Variants in CHMP3 observed in about 807,000 individuals in gnomAD.
CHMP3 encodes the protein 25.1 protein.
Under a neutral mutation model 27.4 loss-of-function variants are expected in CHMP3, and 8 were observed. The observed-to-expected ratio is 0.29, with a 90% CI of 0.17 to 0.53. The LOEUF (loss-of-function observed/expected upper bound fraction) is 0.53, where lower values mean the gene tolerates loss of function less well. Among genes scored for constraint, CHMP3 ranks in the 20% least tolerant of loss-of-function variants. The probability of loss-of-function intolerance (pLI) is 0.96; values close to 1 mark genes in which losing one functional copy is unlikely to be tolerated. For synonymous variants in CHMP3, 86 were observed against 85.5 expected (o/e 1.01, Z -0.03); for missense variants, 208 against 271.5 (o/e 0.77, Z 1.64).
intron 3 of CHMP3, among the ~76,000 whole-genome samples, chr2:86,515,962 C>T (rs1281005453): frequency 1.3e-5 from 2 of 151,844 alleles, no homozygotes; most frequent in African/African-American, 4.8e-5. Context: ...TCCAGGCCAA[C>T]ATGGTGAAAC....
chr2:86,540,757 G>A (rs1676328935), intron 2 of CHMP3: 1 of 150,634 alleles, frequency 6.6e-6, no homozygotes, highest in South Asian at 2.1e-4. Context: ...TTATGTTTAA[G>A]TTATCCTTTA....
chr2:86,528,890 T>G lies in CHMP3; in HGVS notation c.286+328A>C, dbSNP rs776222288. On this transcript the variant is annotated intron_variant, in intron 3 of 5. Transcript: ENST00000263856. ...GGCTGCTCTGGACCTAGGACAAAGG[T>G]AGAAAGCTCTTTTCTTCATCCTCCC... 7.9e-5 allele frequency among the ~76,000 whole-genome samples: 12 copies of G among 152,220 alleles called. No individual in the cohort carries two copies. In the South Asian group the frequency reaches 1.0e-3, roughly 13 times the overall value.
Position 86,507,449 on chromosome 2 carries a change from G to A in CHMP3, c.523+30C>T, listed in dbSNP as rs766412038. 7.5e-6 allele frequency: 12 copies of A among 1,592,884 alleles called. No individual in the cohort carries two copies. The South Asian group carries it at 1.2e-4, about 16-fold the overall frequency. On this transcript the variant is annotated intron_variant, in intron 5 of 5. Coordinates refer to ENST00000263856, the MANE Select transcript of CHMP3 (RefSeq NM_016079.4). ...TGAAGGAAGAATGGCCATAAAAAGA[G>A]AGGAGAAAGGATGGATCTCACGGTC...
At chr2:86,545,570 T>C (rs1225151265) in intron 1 of CHMP3, among the ~76,000 whole-genome samples, 1 of 87,008 alleles carries the variant, frequency 1.1e-5, no homozygotes, top group African/African-American at 4.6e-5. Flanking sequence ...CGCTCCTCAC[T>C]TCCCAGACGG....
At chr2:86,527,522 A>C (rs1675762190) in intron 3 of CHMP3, among the ~76,000 whole-genome samples, 1 of 152,232 alleles carries the variant, frequency 6.6e-6, no homozygotes, top group Non-Finnish European at 1.5e-5. Flanking sequence ...AAAGACAATA[A>C]TACTTGAGCT....
chr2:86,557,486 C>T (rs746193567), intron 1 of CHMP3, among the ~76,000 whole-genome samples: 1 of 152,158 alleles, frequency 6.6e-6, no homozygotes, highest in African/African-American at 2.4e-5. Flanking sequence ...CTTTAGTAGG[C>T]ATGACACACA....
At chr2:86,517,529 G>A (rs1002597332) in intron 3 of CHMP3, among the ~76,000 whole-genome samples, 4 of 136,088 alleles carry the variant, frequency 2.9e-5, no homozygotes, top group African/African-American at 8.4e-5. Flanking sequence ...TCGTGCCACC[G>A]CACTCCAGCC....
At chr2:86,544,019 G>T (rs1676461462) in intron 1 of CHMP3, among the ~76,000 whole-genome samples, 2 of 152,048 alleles carry the variant, frequency 1.3e-5, no homozygotes, top group African/African-American at 4.8e-5. Flanking sequence ...TGTCTCTATG[G>T]GATTGCTTAT....
chr2:86,508,038 A>G (rs1674954178), intron 4 of CHMP3, among the ~76,000 whole-genome samples: 2 of 152,222 alleles, frequency 1.3e-5, no homozygotes, highest in Non-Finnish European at 2.9e-5. Context: ...AAATGCCAAC[A>G]GCAGGGTAAA....
chr2:86,548,177 CTCTT>C (rs1225363514), intron 1 of CHMP3, among the ~76,000 whole-genome samples: 8 of 115,080 alleles, frequency 7.0e-5, no homozygotes, highest in South Asian at 2.5e-4. Flanking sequence ...AGGAGGAGTT[CTCTT>C]TTTTTTTTTT....
chr2:86,507,160 G>A (rs577726510), intron 5 of CHMP3: 22 of 202,586 alleles, frequency 1.1e-4, no homozygotes, highest in Non-Finnish European at 1.7e-4. Context: ...CATCGCACTT[G>A]GCGAAGGCAA....
At chr2:86,506,967 CA>C (rs1483472767) in intron 5 of CHMP3, 1 of 152,180 alleles carries the variant, frequency 6.6e-6, no homozygotes, top group African/African-American at 2.4e-5. Flanking sequence ...TTAAATATTT[CA>C]GCACATTCTT....
At chr2:86,541,778 T>G (rs1676371444) in intron 2 of CHMP3, among the ~76,000 whole-genome samples, 1 of 152,206 alleles carries the variant, frequency 6.6e-6, no homozygotes, top group African/African-American at 2.4e-5. Context: ...AAAGTGATAC[T>G]GGGATACCTT....
chr2:86,542,624 G>A (rs1352553543), intron 1 of CHMP3, among the ~76,000 whole-genome samples: 5 of 152,168 alleles, frequency 3.3e-5, no homozygotes, highest in African/African-American at 1.2e-4. Context: ...CAAGTGCACA[G>A]TTAGCTTTAA....
chr2:86,532,026 G>A (rs1472640968), intron 2 of CHMP3, among the ~76,000 whole-genome samples: 1 of 152,146 alleles, frequency 6.6e-6, no homozygotes, highest in African/African-American at 2.4e-5. Context: ...CACTTTGAAT[G>A]TATAAGATTG....
rs935384749 is a variant in CHMP3, at chr2:86,548,183, T to C, written c.46-5871A>G. Among the ~76,000 whole-genome samples the C allele has an allele frequency of 1.2e-3, 184 of 150,016 alleles. 1 individual carries two copies. The highest frequency in any genetic ancestry group is 1.9e-3 in the Non-Finnish European group (129 of 67,318). ...TCAGGTTAGAGGAGGAGTTCTCTTT[T>C]TTTTTTTTTTTTTTTTTAGTATTTA... is the stretch of plus-strand genomic sequence containing the variant. On this transcript the variant is annotated intron_variant, in intron 1 of 5. Coordinates refer to ENST00000263856, the MANE Select transcript of CHMP3 (RefSeq NM_016079.4).
In CHMP3 at chr2:86,505,505, G is replaced by C; in HGVS notation, c.*299C>G. Reference sequence around the variant, plus strand: ...ATATAGTGTTTTATAGACAAAAGTAGAGTCTTCGACATTCAGGCAATCACC... The same window carrying C: ...ATATAGTGTTTTATAGACAAAAGTACAGTCTTCGACATTCAGGCAATCACC... On this transcript the variant is annotated 3_prime_UTR_variant, in exon 6 of 6. Transcript: ENST00000263856. The C allele has an allele frequency of 3.6e-6, 1 of 277,410 alleles. No individual in the cohort carries two copies. The allele number at this position is 277,410 out of a possible 1,614,324, so 17.2% of individuals were successfully genotyped here.
At chr2:86,531,167 A>G (rs1177492033) in intron 2 of CHMP3, among the ~76,000 whole-genome samples, 3 of 151,730 alleles carry the variant, frequency 2.0e-5, no homozygotes, top group Non-Finnish European at 1.5e-5. Flanking sequence ...TTTTTAATGT[A>G]CAATTTTTCT....
At chr2:86,529,188 G>T in intron 3 of CHMP3, 30 bp downstream of exon 3, 11 of 1,543,186 alleles carry the variant, frequency 7.1e-6, no homozygotes, top group Non-Finnish European at 9.6e-6. Context: ...CCGGCATTAT[G>T]AGGTGACTGT....
Sources: gnomAD v4.1 joint callset for allele counts (sites outside exome capture counted in the v4.1 genomes callset) on GRCh38, gnomAD v4.1.1 for gene constraint, MANE v1.5 for transcripts, NCBI Gene and HGNC (gene_info 2026-07-23, HGNC 2026-07-21) for gene names.